The following RHO variants were observed in gnomAD, a reference collection of about 807,000 sequenced individuals.
RHO encodes rhodopsin, also known as opsin 2, rod pigment.
In RHO, 21 loss-of-function variants were observed where a neutral mutation model predicts 31.2. That is an observed-to-expected ratio of 0.67 (90% CI 0.48 to 0.97). The LOEUF is 0.97. Ranked by LOEUF, RHO falls within the 50% of genes least tolerant of loss-of-function variation. The pLI, the probability that RHO is intolerant of heterozygous loss-of-function variation, is 0.00. For synonymous variants in RHO, 211 were observed against 196.6 expected, an observed-to-expected ratio of 1.07 and a Z score of -0.61; for missense variants, 414 against 479.5, an observed-to-expected ratio of 0.86 and a Z score of 1.28.
Position 129,534,454 on chromosome 3 carries a change from GA to G in RHO, c.*737del, listed in dbSNP as rs898016351. On this transcript the variant is annotated 3_prime_UTR_variant, in exon 5 of 5. Coordinates refer to ENST00000296271, the MANE Select transcript of RHO (RefSeq NM_000539.3). ...TGAACATTTTGAGATTGGGCATTCA[GA>G]TGATGGGGTTTCACCCAACCTTGGG... The G allele has an allele frequency of 1.3e-5, 2 of 152,424 alleles. No homozygotes were observed. Among genetic ancestry groups the G allele is most frequent in the Non-Finnish European group, 2.9e-5 (2 of 68,076 alleles). The allele number at this position is 152,424 out of a possible 1,614,324, so 9.4% of individuals were successfully genotyped here.
rs1236550448 is a variant in RHO at position 129,532,273 on chromosome 3, T to C, written c.553T>C (p.Cys185Arg). The C allele has an allele frequency of 2.5e-6, 4 of 1,614,094 alleles. No individual in the cohort carries two copies. The highest frequency in any genetic ancestry group is 3.4e-6 in the Non-Finnish European group (4 of 1,180,004). ...CAGGTACATCCCCGAGGGCCTGCAG[T>C]GCTCGTGTGGAATCGACTACTACAC... ...WSRYIPEGLQCSCGIDYYTLK... is the reference protein window; with the variant it reads ...WSRYIPEGLQRSCGIDYYTLK... Residue 185 changes from cysteine (C) to arginine (R), a missense_variant, in exon 3 of 5, where the codon TGC becomes CGC. Physicochemically the swap from Cys to Arg is radical, Grantham distance 180. Coordinates refer to ENST00000296271, the MANE Select transcript of RHO (RefSeq NM_000539.3). The surrounding 1 kb of genome is among the most constrained non-coding windows in gnomAD (Gnocchi z 5.5).
At chr3:129,529,804 T>C (rs1431334232) in intron 1 of RHO, among the ~76,000 whole-genome samples, 1 of 152,188 alleles carries the variant, frequency 6.6e-6, no homozygotes, top group East Asian at 1.9e-4. Flanking sequence ...GATGGGGTGC[T>C]GCAGGGATAA....
At position 129,532,585 on chromosome 3, in the gene RHO, T is replaced by C. The variant is rs765519035; in HGVS notation, c.749T>C (p.Val250Ala). The change falls in exon 4 of 5, where the codon GTC (valine) becomes GCC (alanine). Residue 250 changes from valine (V) to alanine (A), a missense_variant. Transcript: ENST00000296271. The surrounding 1 kb of genome is among the most constrained non-coding windows in gnomAD (Gnocchi z 5.5). ...ACCACACAGAAGGCAGAGAAGGAGG[T>C]CACCCGCATGGTCATCATCATGGTC... ...SATTQKAEKE[V>A]TRMVIIMVIA... 23 of 1,614,020 alleles carry C rather than the reference T, an allele frequency of 1.4e-5. No homozygotes were observed. Among genetic ancestry groups the C allele is most frequent in the Non-Finnish European group, 1.9e-5 (23 of 1,180,004 alleles).
chr3:129,532,410 C>T lies in RHO; in HGVS notation c.690C>T (p.Val230=). The T allele has an allele frequency of 6.2e-7, 1 of 1,613,968 alleles. No homozygotes were observed. Among genetic ancestry groups the T allele is most frequent in the Non-Finnish European group, 8.5e-7 (1 of 1,180,014 alleles). The part of the protein sequence containing the change: ...FFCYGQLVFT[V]KEAAAQQQES... ...GCTATGGGCAGCTCGTCTTCACCGT[C>T]AAGGAGGTACGGGCCGGGGGGTGGG... Residue 230 remains valine (V), a synonymous_variant, in exon 3 of 5, where the codon GTC becomes GTT. Coordinates refer to ENST00000296271, the MANE Select transcript of RHO (RefSeq NM_000539.3). The surrounding 1 kb of genome is among the most constrained non-coding windows in gnomAD (Gnocchi z 5.5).
Position 129,533,648 on chromosome 3 carries a change from A to G in RHO, c.977A>G (p.Asn326Ser), listed in dbSNP as rs1264835715. ...CMLTTICCGKNPLGDDEASAT... is the reference protein window; with the variant it reads ...CMLTTICCGKSPLGDDEASAT... ...CTCACCACCATCTGCTGCGGCAAGA[A>G]CCCACTGGGTGACGATGAGGCCTCT... is the stretch of plus-strand genomic sequence containing the variant. Residue 326 changes from asparagine (N) to serine (S), a missense_variant, in exon 5 of 5, where the codon AAC becomes AGC. By Grantham distance (46) the Asn-to-Ser change is conservative. Coordinates refer to ENST00000296271, the MANE Select transcript of RHO (RefSeq NM_000539.3). 3 of 1,613,998 alleles carry G rather than the reference A, an allele frequency of 1.9e-6. No homozygotes were observed. Among genetic ancestry groups the G allele is most frequent in the Non-Finnish European group, 1.7e-6 (2 of 1,179,988 alleles).
At position 129,528,885 on chromosome 3, in the gene RHO, G is replaced by T. The variant is rs149079952; in HGVS notation, c.152G>T (p.Gly51Val). ...TACATGTTTCTGCTGATCGTGCTGGGCTTCCCCATCAACTTCCTCACGCTC... is the reference window on the plus strand; with the variant it reads ...TACATGTTTCTGCTGATCGTGCTGGTCTTCCCCATCAACTTCCTCACGCTC... ...AAYMFLLIVL[G>V]FPINFLTLYV... Residue 51 changes from glycine to valine, a missense_variant, in exon 1 of 5, where the codon GGC (glycine) becomes GTC (valine). Transcript: ENST00000296271. 1 of 1,614,228 alleles carries T rather than the reference G, an allele frequency of 6.2e-7. No homozygotes were observed. Among genetic ancestry groups the T allele is most frequent in the Non-Finnish European group, 8.5e-7 (1 of 1,180,044 alleles).
In RHO at chr3:129,529,210, A is replaced by T. The variant is rs148110888; in HGVS notation, c.361+116A>T. On this transcript the variant is annotated intron_variant, in intron 1 of 4. Coordinates refer to ENST00000296271, the MANE Select transcript of RHO (RefSeq NM_000539.3). ...CCTTCTCCCTTCTCCTGTCCTGTCA[A>T]TGTTATCCAAAGCCCTCATATATTC... 785 of 1,310,460 alleles carry T rather than the reference A, an allele frequency of 6.0e-4. 3 individuals are homozygous for T. The African/African-American group carries it at 0.01, about 17-fold the overall frequency. 81.2% of individuals were successfully genotyped at this position (1,310,460 alleles called of 1,614,324 possible).
At chr3:129,529,149 G>A in intron 1 of RHO, 55 bp downstream of exon 1, 5 of 1,577,746 alleles carry the variant, frequency 3.2e-6, no homozygotes, top group African/African-American at 1.3e-5. Flanking sequence ...GGAGGGGTCT[G>A]GGAGAGTCCC....
At chr3:129,531,645 A>AC (rs1374834362) in intron 2 of RHO, among the ~76,000 whole-genome samples, 1 of 151,546 alleles carries the variant, frequency 6.6e-6, no homozygotes, top group Non-Finnish European at 1.5e-5. Flanking sequence ...ATTTGAGCCC[A>AC]CCCCCTGGAC....
chr3:129,532,167 C>T lies in RHO; in HGVS notation c.531-84C>T. Reference sequence around the variant, plus strand: ...CTTTTCCAGGGAGGGAATGTGAAGCCCCAGAAAGGGCCAGCGCTCGGCAGC... The same window carrying T: ...CTTTTCCAGGGAGGGAATGTGAAGCTCCAGAAAGGGCCAGCGCTCGGCAGC... On this transcript the variant is annotated intron_variant, in intron 2 of 4. Transcript: ENST00000296271. The surrounding 1 kb of genome is among the most constrained non-coding windows in gnomAD (Gnocchi z 5.5). 2 of 1,095,844 alleles carry T rather than the reference C, an allele frequency of 1.8e-6. No individual in the cohort carries two copies. The highest frequency in any genetic ancestry group is 1.4e-6 in the Non-Finnish European group (1 of 713,150). 67.9% of individuals were successfully genotyped at this position (1,095,844 alleles called of 1,614,324 possible). A position where few individuals can be genotyped will look rare whatever the true frequency, so the allele number is the denominator to read the frequency against.
rs376271158 is a variant in RHO at position 129,532,456 on chromosome 3, T to A, written c.696+40T>A. 6.2e-6 allele frequency: 10 copies of A among 1,613,570 alleles called. No homozygotes were observed. In the African/African-American group the frequency reaches 6.7e-5, roughly 11 times the overall value. On this transcript the variant is annotated intron_variant, in intron 3 of 4. Coordinates refer to ENST00000296271, the MANE Select transcript of RHO (RefSeq NM_000539.3). The surrounding 1 kb of genome is among the most constrained non-coding windows in gnomAD (Gnocchi z 5.5). ...GTGGGCGGCCTCACGGCTCTGAGGGTCCAGCCCCCAGCATGCATCTGCGGC... is the reference window on the plus strand; with the variant it reads ...GTGGGCGGCCTCACGGCTCTGAGGGACCAGCCCCCAGCATGCATCTGCGGC...
Position 129,533,793 on chromosome 3 carries a change from A to G in RHO, c.*75A>G. On this transcript the variant is annotated 3_prime_UTR_variant, in exon 5 of 5. Coordinates refer to ENST00000296271, the MANE Select transcript of RHO (RefSeq NM_000539.3). ...ACCTTCCCCCAGCCACAGCCATCCC[A>G]CCAGGAGCAGCGCCTGTGCAGAATG... 2 of 1,025,114 alleles carry G rather than the reference A, an allele frequency of 2.0e-6. No individual in the cohort carries two copies. The highest frequency in any genetic ancestry group is 1.3e-5 in the South Asian group (1 of 79,382). 63.5% of individuals were successfully genotyped at this position (1,025,114 alleles called of 1,614,324 possible). A position where few individuals can be genotyped will look rare whatever the true frequency, so the allele number is the denominator to read the frequency against.
At chr3:129,529,142 G>A (rs749016955) in intron 1 of RHO, 48 bp downstream of exon 1, 63 of 1,590,158 alleles carry the variant, frequency 4.0e-5, no homozygotes, top group Non-Finnish European at 1.5e-5. Context: ...GGAGCATGGA[G>A]GGGTCTGGGA....
At chr3:129,530,798 C>T (rs1251285870) in intron 1 of RHO, 78 bp from the exon 2 acceptor site, 8 of 1,584,860 alleles carry the variant, frequency 5.0e-6, no homozygotes, top group African/African-American at 1.3e-5. Flanking sequence ...TTCCTAGCTA[C>T]CCTCTCCCTG....
Position 129,532,139 on chromosome 3 carries a change from C to A in RHO, c.531-112C>A. ...ACCCAGCCATGCAGACGTTTATGAT[C>A]CCCTTTTCCAGGGAGGGAATGTGAA... On this transcript the variant is annotated intron_variant, in intron 2 of 4. Coordinates refer to ENST00000296271, the MANE Select transcript of RHO (RefSeq NM_000539.3). The surrounding 1 kb of genome is among the most constrained non-coding windows in gnomAD (Gnocchi z 5.5). The A allele has an allele frequency of 1.2e-6, 1 of 807,158 alleles. No individual in the cohort carries two copies. 50.0% of individuals were successfully genotyped at this position (807,158 alleles called of 1,614,324 possible).
chr3:129,530,236 G>A (rs1330485529), intron 1 of RHO, among the ~76,000 whole-genome samples: 3 of 152,116 alleles, frequency 2.0e-5, no homozygotes, highest in Non-Finnish European at 4.4e-5. Flanking sequence ...GTCCCAGTTT[G>A]GTTGATTAAC....
In RHO at chr3:129,533,772, T is replaced by G. The variant is rs1355119221; in HGVS notation, c.*54T>G. ...TAGGCGTCTCCCATCCCCTACACCT[T>G]CCCCCAGCCACAGCCATCCCACCAG... On this transcript the variant is annotated 3_prime_UTR_variant, in exon 5 of 5. Transcript: ENST00000296271. The G allele has an allele frequency of 8.2e-7, 1 of 1,214,420 alleles. No individual in the cohort carries two copies. The highest frequency in any genetic ancestry group is 1.2e-6 in the Non-Finnish European group (1 of 819,406). 75.2% of individuals were successfully genotyped at this position (1,214,420 alleles called of 1,614,324 possible).
At chr3:129,530,813 G>T in intron 1 of RHO, 63 bp from the exon 2 acceptor site, 2 of 1,603,630 alleles carry the variant, frequency 1.2e-6, no homozygotes, top group South Asian at 2.2e-5. Context: ...TCCCTGTCTA[G>T]GGGGGAGTGC....
At chr3:129,531,801 T>C (rs979934723) in intron 2 of RHO, among the ~76,000 whole-genome samples, 1 of 152,158 alleles carries the variant, frequency 6.6e-6, no homozygotes, top group African/African-American at 2.4e-5. Context: ...AAGCCTCTAG[T>C]TTCCAGAAGC....
Sources: allele counts gnomAD v4.1 joint callset (sites outside exome capture counted in the v4.1 genomes callset), GRCh38; gene constraint gnomAD v4.1.1; non-coding constraint Gnocchi (gnomAD v3.1); transcripts MANE v1.5; gene names NCBI Gene and HGNC (gene_info 2026-07-23, HGNC 2026-07-21).